The following CNTNAP2 variants were observed in gnomAD, a reference collection of about 807,000 sequenced individuals.
CNTNAP2 encodes the protein contactin associated protein 2.
A neutral mutation model predicts 155.2 loss-of-function variants in CNTNAP2; 98 were observed. The observed-to-expected ratio is 0.63, with a 90% CI of 0.54 to 0.75. CNTNAP2 has a LOEUF of 0.75. CNTNAP2 is among the 30% of genes least tolerant of loss of function. The pLI, the probability that CNTNAP2 is intolerant of heterozygous loss-of-function variation, is 0.00. For missense variants in CNTNAP2, 1,727 were observed against 1,688.1 expected, an observed-to-expected ratio of 1.02 and a Z score of -0.40; for synonymous variants, 651 against 631.2, an observed-to-expected ratio of 1.03 and a Z score of -0.47.
chr7:146,894,603 A>G (rs1242285295), intron 3 of CNTNAP2, among the ~76,000 whole-genome samples: 1 of 152,046 alleles, frequency 6.6e-6, no homozygotes, highest in Non-Finnish European at 1.5e-5. Context: ...ACTTTAAACA[A>G]TTTCCTTGAC....
intron 21 of CNTNAP2, among the ~76,000 whole-genome samples, chr7:148,300,868 G>A (rs1314109758): frequency 6.6e-6 from 1 of 150,590 alleles, no homozygotes; most frequent in Non-Finnish European, 1.5e-5. Flanking sequence ...CTGGGAGGAG[G>A]GACAATGGGG....
At chr7:148,002,643 GA>G (rs886705870) in intron 15 of CNTNAP2, among the ~76,000 whole-genome samples, 7 of 151,946 alleles carry the variant, frequency 4.6e-5, no homozygotes, top group African/African-American at 1.4e-4. Flanking sequence ...TTTTTTGGAG[GA>G]AAAAATAATG....
chr7:147,526,944 A>G (rs1176882773), intron 11 of CNTNAP2, among the ~76,000 whole-genome samples: 1 of 151,606 alleles, frequency 6.6e-6, no homozygotes, highest in Non-Finnish European at 1.5e-5. Flanking sequence ...ATTAACTATT[A>G]GAACAGGTTA....
chr7:147,575,605 G>T (rs906504581), intron 12 of CNTNAP2, among the ~76,000 whole-genome samples: 2 of 151,650 alleles, frequency 1.3e-5, no homozygotes, highest in Non-Finnish European at 2.9e-5. Flanking sequence ...GTGTGCCAGT[G>T]TTTACTCACC....
intron 14 of CNTNAP2, among the ~76,000 whole-genome samples, chr7:147,939,431 C>T (rs548880066): frequency 2.6e-5 from 4 of 152,124 alleles, no homozygotes; most frequent in South Asian, 2.1e-4. Flanking sequence ...CGGGTTCAAG[C>T]GATTCTTCTG....
At chr7:146,598,752 G>A (rs2129151123) in intron 1 of CNTNAP2, among the ~76,000 whole-genome samples, 1 of 151,964 alleles carries the variant, frequency 6.6e-6, no homozygotes, top group South Asian at 2.1e-4. Flanking sequence ...TCACTCTTTA[G>A]GTGATCTCAC....
intron 13 of CNTNAP2, among the ~76,000 whole-genome samples, chr7:147,771,317 A>G (rs1177544981): frequency 6.6e-6 from 1 of 152,240 alleles, no homozygotes; most frequent in South Asian, 2.1e-4. Flanking sequence ...AAAAGCACAC[A>G]TCATAAGGAA....
chr7:147,697,443 G>A (rs879354409), intron 13 of CNTNAP2, among the ~76,000 whole-genome samples: 30 of 151,820 alleles, frequency 2.0e-4, no homozygotes, highest in African/African-American at 6.8e-4. Flanking sequence ...TTAATGCAGC[G>A]ATAAGTCATG....
At chr7:148,172,553 A>T (rs1390686778) in intron 18 of CNTNAP2, 75 bp downstream of exon 18, 25 of 1,283,256 alleles carry the variant, frequency 1.9e-5, no homozygotes, top group Admixed American at 3.4e-5. Context: ...ATGATTTTTC[A>T]TATGTAAACA....
At chr7:148,390,990 C>T (rs928231714) in intron 22 of CNTNAP2, among the ~76,000 whole-genome samples, 2 of 152,196 alleles carry the variant, frequency 1.3e-5, no homozygotes, top group Non-Finnish European at 2.9e-5. Context: ...AGCAAATAGA[C>T]ATGGCCTCGT....
intron 3 of CNTNAP2, among the ~76,000 whole-genome samples, chr7:146,973,557 G>T (rs1356176586): frequency 6.6e-6 from 1 of 152,106 alleles, no homozygotes; most frequent in African/African-American, 2.4e-5. Context: ...AAACCATTAG[G>T]ATAATAAACC....
At chr7:146,636,266 A>G (rs1799597990) in intron 1 of CNTNAP2, among the ~76,000 whole-genome samples, 1 of 152,116 alleles carries the variant, frequency 6.6e-6, no homozygotes, top group Non-Finnish European at 1.5e-5. Flanking sequence ...TGCATTTGTC[A>G]AAACTTATGG....
intron 1 of CNTNAP2, among the ~76,000 whole-genome samples, chr7:146,534,794 T>C (rs1328845537): frequency 6.6e-6 from 1 of 151,696 alleles, no homozygotes; most frequent in African/African-American, 2.4e-5. Context: ...TTGCATGCTT[T>C]ACACTCAGGA....
chr7:146,999,762 T>TCC (rs1451613281), intron 3 of CNTNAP2, among the ~76,000 whole-genome samples: 1 of 152,068 alleles, frequency 6.6e-6, no homozygotes, highest in African/African-American at 2.4e-5. Flanking sequence ...TTATTAGAGC[T>TCC]CTCGTCATTT....
At chr7:147,284,164 T>A (rs541881429) in intron 8 of CNTNAP2, among the ~76,000 whole-genome samples, 17 of 151,520 alleles carry the variant, frequency 1.1e-4, no homozygotes, top group African/African-American at 4.1e-4. Flanking sequence ...AAATAACGTG[T>A]TTTTTTCCCC....
At chr7:147,858,076 C>A (rs567769357) in intron 13 of CNTNAP2, among the ~76,000 whole-genome samples, 1 of 152,246 alleles carries the variant, frequency 6.6e-6, no homozygotes, top group South Asian at 2.1e-4. Flanking sequence ...GGACGTTAAT[C>A]AAAATGAAAA....
At chr7:148,137,677 GA>G (rs1804984299) in intron 16 of CNTNAP2, among the ~76,000 whole-genome samples, 1 of 72,198 alleles carries the variant, frequency 1.4e-5, no homozygotes, top group South Asian at 5.4e-4. Flanking sequence ...AAAAAGGAAG[GA>G]AGGAAGGAAG....
Position 147,560,168 on chromosome 7 carries a change from C to CAAAAAAAAAAAAAAAAAAAAAAAAAAAA in CNTNAP2, c.1778-1947_1778-1946insAAAAAAAAAAAAAAAAAAAAAAAAAAAA, listed in dbSNP as rs71183016. 3.2e-4 allele frequency among the ~76,000 whole-genome samples: 17 copies of CAAAAAAAAAAAAAAAAAAAAAAAAAAAA among 52,822 alleles called. 2 individuals carry two copies. Among genetic ancestry groups the CAAAAAAAAAAAAAAAAAAAAAAAAAAAA allele is most frequent in the East Asian group, 9.6e-4 (1 of 1,040 alleles). 34.7% of individuals were successfully genotyped at this position (52,822 alleles called of 152,430 possible). A position where few individuals can be genotyped will look rare whatever the true frequency, so the allele number is the denominator to read the frequency against. ...GGGCAACAAGAACGAAACTCCGTCT[C>CAAAAAAAAAAAAAAAAAAAAAAAAAAAA]AAAAAAAAAAAAAAAAAAAAAAATT... is the stretch of plus-strand genomic sequence containing the variant. On this transcript the variant is annotated intron_variant, in intron 11 of 23. Transcript: ENST00000361727.
At chr7:146,764,793 C>T (rs1802166454) in intron 1 of CNTNAP2, among the ~76,000 whole-genome samples, 1 of 151,960 alleles carries the variant, frequency 6.6e-6, no homozygotes, top group East Asian at 1.9e-4. Flanking sequence ...TATTTTTAAA[C>T]ATAGCTATTA....
Sources: gnomAD v4.1 joint callset for allele counts (sites outside exome capture counted in the v4.1 genomes callset) on GRCh38, gnomAD v4.1.1 for gene constraint, MANE v1.5 for transcripts, NCBI Gene and HGNC (gene_info 2026-07-23, HGNC 2026-07-21) for gene names.